POU3F3: variants seen among roughly 807,000 people sequenced by gnomAD.
POU3F3 encodes the protein POU domain, class 3, transcription factor 3.
Under a neutral mutation model 8.6 loss-of-function variants are expected in POU3F3, and 1 was observed. The observed-to-expected ratio is 0.12, with a 90% CI of 0.04 to 0.55. The LOEUF (loss-of-function observed/expected upper bound fraction) is 0.55, where lower values mean the gene tolerates loss of function less well. POU3F3 is among the 20% of genes least tolerant of loss of function. POU3F3 has a pLI of 0.91. For synonymous variants in POU3F3, 418 were observed against 327.4 expected, an observed-to-expected ratio of 1.28 and a Z score of -2.99; for missense variants, 577 against 690.7, an observed-to-expected ratio of 0.84 and a Z score of 1.84.
chr2:104,878,199 G>A, the POU3F3 span, among the ~76,000 whole-genome samples: 148 of 152,278 alleles, frequency 9.7e-4, no homozygotes, highest in African/African-American at 3.4e-3. Flanking sequence ...CTAGCAGACC[G>A]AGCCTTAATC....
At chr2:104,884,979 G>C in the POU3F3 span, among the ~76,000 whole-genome samples, 5 of 152,178 alleles carry the variant, frequency 3.3e-5, no homozygotes, top group Non-Finnish European at 7.3e-5. Flanking sequence ...GACCTGTTTG[G>C]TGGGACGGGC....
At chr2:104,862,410 G>A (rs1320724138), downstream of POU3F3, among the ~76,000 whole-genome samples, 2 of 152,234 alleles carry the variant, frequency 1.3e-5, no homozygotes, top group South Asian at 2.1e-4. Context: ...TCGCAGTCTG[G>A]ACCCCGAAGC....
In POU3F3 at chr2:104,856,218, G is replaced by A; in HGVS notation, c.708G>A (p.Ala236=). ...TCACGGTGAACGGCATGCTGAGCGC[G>A]CCACCGGGGCCCGGCGGCGGCGGCG... ...GGFTVNGMLS[A]PPGPGGGGGG... is the part of the protein sequence containing the mutation. Residue 236 remains alanine, a synonymous_variant, in exon 1 of 1, where the codon GCG becomes GCA. Coordinates refer to ENST00000361360, the MANE Select transcript of POU3F3 (RefSeq NM_006236.3). The A allele has an allele frequency of 7.9e-7, 1 of 1,266,378 alleles. No homozygotes were observed. Among genetic ancestry groups the A allele is most frequent in the South Asian group, 3.0e-5 (1 of 33,306 alleles). The allele number at this position is 1,266,378 out of a possible 1,614,324, so 78.4% of individuals were successfully genotyped here. A position where few individuals can be genotyped will look rare whatever the true frequency, so the allele number is the denominator to read the frequency against.
chr2:104,920,595 G>A, the POU3F3 span, among the ~76,000 whole-genome samples: 1 of 152,096 alleles, frequency 6.6e-6, no homozygotes, highest in African/African-American at 2.4e-5. Flanking sequence ...GTTTTACAAA[G>A]CATTTTACCA....
chr2:104,891,292 T>A, the POU3F3 span, among the ~76,000 whole-genome samples: 2 of 152,086 alleles, frequency 1.3e-5, no homozygotes, highest in African/African-American at 4.8e-5. Flanking sequence ...AATTATACAT[T>A]CATTTATATC....
chr2:104,927,223 C>G, the POU3F3 span, among the ~76,000 whole-genome samples: 1 of 152,198 alleles, frequency 6.6e-6, no homozygotes, highest in Non-Finnish European at 1.5e-5. Context: ...CAAACCCTAA[C>G]CACCTCTTAA....
downstream of POU3F3, among the ~76,000 whole-genome samples, chr2:104,859,133 T>G (rs1676626241): frequency 1.5e-5 from 1 of 68,906 alleles, no homozygotes; most frequent in African/African-American, 1.3e-4. Context: ...TTAAGCTTTT[T>G]GGGTTTTTTC....
chr2:104,884,539 G>T, the POU3F3 span, among the ~76,000 whole-genome samples: 2 of 152,292 alleles, frequency 1.3e-5, no homozygotes, highest in African/African-American at 4.8e-5. Flanking sequence ...TTCTGAGGAA[G>T]CCAGAACACA....
the POU3F3 span, among the ~76,000 whole-genome samples, chr2:104,890,094 G>A: frequency 2.0e-5 from 3 of 152,072 alleles, no homozygotes; most frequent in South Asian, 4.2e-4. Flanking sequence ...GGACTCTCAG[G>A]TCCCAAGCGA....
the POU3F3 span, among the ~76,000 whole-genome samples, chr2:104,908,388 A>G: frequency 4.6e-5 from 7 of 152,274 alleles, no homozygotes; most frequent in Non-Finnish European, 8.8e-5. Flanking sequence ...ATGGTAAAAC[A>G]GTGATAATTT....
chr2:104,893,932 C>T, the POU3F3 span, among the ~76,000 whole-genome samples: 4 of 148,842 alleles, frequency 2.7e-5, no homozygotes, highest in Admixed American at 2.7e-4. Flanking sequence ...GGGGTTTGTA[C>T]TAAGTACAAG....
In POU3F3 at chr2:104,855,470, CGGCGGTGGTGGCGGCGGTGGGGT is replaced by C. The variant is rs1676534848; in HGVS notation, c.-35_-13del. ...GCCGCGGCTGCTGCTGCGGCGGCGG[CGGCGGTGGTGGCGGCGGTGGGGT>C]GGCGGGAGCGGAGCGGCATGGCCAC... On this transcript the variant is annotated 5_prime_UTR_variant, in exon 1 of 1. Coordinates refer to ENST00000361360, the MANE Select transcript of POU3F3 (RefSeq NM_006236.3). 1.1e-6 allele frequency: 1 copy of C among 907,886 alleles called. No homozygotes were observed. The highest frequency in any genetic ancestry group is 5.1e-5 in the South Asian group (1 of 19,546). 56.2% of individuals were successfully genotyped at this position (907,886 alleles called of 1,614,324 possible).
At chr2:104,918,546 AC>A in the POU3F3 span, among the ~76,000 whole-genome samples, 1 of 152,204 alleles carries the variant, frequency 6.6e-6, no homozygotes, top group Non-Finnish European at 1.5e-5. Context: ...ACAGGTACAC[AC>A]AGGGAGAACA....
At chr2:104,881,918 C>T in the POU3F3 span, among the ~76,000 whole-genome samples, 1 of 152,184 alleles carries the variant, frequency 6.6e-6, no homozygotes, top group African/African-American at 2.4e-5. Context: ...CCCACTCCAC[C>T]GCATCTCTTG....
the POU3F3 span, among the ~76,000 whole-genome samples, chr2:104,899,248 C>G: frequency 6.6e-6 from 1 of 152,202 alleles, no homozygotes; most frequent in South Asian, 2.1e-4. Flanking sequence ...TGTGTGTTTC[C>G]ACACCCACAG....
At chr2:104,874,319 C>G in the POU3F3 span, among the ~76,000 whole-genome samples, 1 of 152,154 alleles carries the variant, frequency 6.6e-6, no homozygotes, top group African/African-American at 2.4e-5. Context: ...AGGGACTCAC[C>G]CATCCAGAGG....
the POU3F3 span, chr2:104,872,458 A>T: frequency 2.4e-6 from 1 of 409,736 alleles, no homozygotes; most frequent in Non-Finnish European, 4.9e-6. This position sits in a 1 kb window ranked among gnomAD's most constrained non-coding sequence, Gnocchi z 4.6. Context: ...TTCTTATGGA[A>T]ATGAACGCGA....
At chr2:104,902,865 C>A in the POU3F3 span, among the ~76,000 whole-genome samples, 1 of 152,170 alleles carries the variant, frequency 6.6e-6, no homozygotes, top group Non-Finnish European at 1.5e-5. Context: ...CACACTGAGA[C>A]AGGGCAATGT....
chr2:104,890,378 T>C, the POU3F3 span, among the ~76,000 whole-genome samples: 1 of 152,170 alleles, frequency 6.6e-6, no homozygotes, highest in African/African-American at 2.4e-5. Context: ...TCTTTCTCGG[T>C]TGTGTGACAA....
Sources: allele counts gnomAD v4.1 joint callset (sites outside exome capture counted in the v4.1 genomes callset), GRCh38; gene constraint gnomAD v4.1.1; non-coding constraint Gnocchi (gnomAD v3.1); transcripts MANE v1.5; gene names NCBI Gene and HGNC (gene_info 2026-07-23, HGNC 2026-07-21).